Variants in BBS12 observed in about 807,000 individuals in gnomAD.
BBS12 encodes the protein chaperonin-containing T-complex member BBS12.
Under a neutral mutation model 5.6 loss-of-function variants are expected in BBS12, and 5 were observed. The observed-to-expected ratio is 0.89, with a 90% CI of 0.46 to 1.86. The LOEUF is 1.86. BBS12 is among the 40% of genes most tolerant of loss of function. The pLI is 0.01. For synonymous variants in BBS12, 308 were observed against 306.8 expected, an observed-to-expected ratio of 1.00 and a Z score of -0.04; for missense variants, 748 against 830.4, an observed-to-expected ratio of 0.90 and a Z score of 1.22.
chr4:122,719,661 C>G, the BBS12 span, among the ~76,000 whole-genome samples: 1 of 152,146 alleles, frequency 6.6e-6, no homozygotes, highest in African/African-American at 2.4e-5. Context: ...TGGAAGGAAC[C>G]AATTCCCGAC....
At chr4:122,719,336 G>A in the BBS12 span, among the ~76,000 whole-genome samples, 1 of 152,074 alleles carries the variant, frequency 6.6e-6, no homozygotes, top group South Asian at 2.1e-4. Context: ...GACATGGGTG[G>A]GGCCAAATAA....
chr4:122,702,082 A>G, the BBS12 span, among the ~76,000 whole-genome samples: 1 of 152,188 alleles, frequency 6.6e-6, no homozygotes, highest in African/African-American at 2.4e-5. Context: ...AAGAGGAAAC[A>G]ATATATTTTT....
chr4:122,738,151 CA>C (rs1033331753), intron 1 of BBS12, among the ~76,000 whole-genome samples: 1 of 151,620 alleles, frequency 6.6e-6, no homozygotes, highest in African/African-American at 2.4e-5. Flanking sequence ...TATGAGCAAA[CA>C]AAAAAATAGG....
At chr4:122,722,763 A>G in the BBS12 span, among the ~76,000 whole-genome samples, 2 of 151,858 alleles carry the variant, frequency 1.3e-5, no homozygotes, top group Non-Finnish European at 2.9e-5. Flanking sequence ...ATTCTTTTGG[A>G]TTTTCTATTG....
In BBS12 at chr4:122,743,396, G is replaced by T. The variant is rs142593414; in HGVS notation, c.1504G>T (p.Ala502Ser). 8.7e-6 allele frequency: 14 copies of T among 1,614,078 alleles called. No individual in the cohort carries two copies. Among genetic ancestry groups the T allele is most frequent in the Admixed American group, 1.7e-5 (1 of 60,008 alleles). Reference protein sequence around the residue: ...LKTEGINLVTAVLTNPVTAQM... With the variant: ...LKTEGINLVTSVLTNPVTAQM... ...AACAGAAGGAATTAATTTGGTTACG[G>T]CCGTGCTCACTAACCCAGTTACTGC... Residue 502 changes from alanine to serine, a missense_variant, in exon 2 of 2, where the codon GCC (alanine) becomes TCC (serine). Ala to Ser is a moderately conservative substitution (Grantham distance 99, BLOSUM62 1). Transcript: ENST00000314218.
rs756359668 is a variant in BBS12 at position 122,743,297 on chromosome 4, G to A, written c.1405G>A (p.Val469Ile). Residue 469 changes from valine to isoleucine, a missense_variant, in exon 2 of 2, where the codon GTC (valine) becomes ATC (isoleucine). Val to Ile is a conservative substitution (Grantham distance 29). Transcript: ENST00000314218. Reference sequence around the variant, plus strand: ...GAATGAAGATTGTGTGGGCGACGGGGTCTGCGTGACCTTCTGGAGAAGCAG... The same window carrying A: ...GAATGAAGATTGTGTGGGCGACGGGATCTGCGTGACCTTCTGGAGAAGCAG... ...QVNEDCVGDGVCVTFWRSSPL... is the reference protein window; with the variant it reads ...QVNEDCVGDGICVTFWRSSPL... The A allele has an allele frequency of 6.2e-7, 1 of 1,614,230 alleles. No individual in the cohort carries two copies. The highest frequency in any genetic ancestry group is 8.5e-7 in the Non-Finnish European group (1 of 1,180,036).
chr4:122,724,761 T>C, the BBS12 span, among the ~76,000 whole-genome samples: 1 of 152,178 alleles, frequency 6.6e-6, no homozygotes, highest in African/African-American at 2.4e-5. Context: ...TTGATTTTTG[T>C]GTTCTAGTAA....
chr4:122,716,327 T>C, the BBS12 span, among the ~76,000 whole-genome samples: 1 of 152,094 alleles, frequency 6.6e-6, no homozygotes, highest in African/African-American at 2.4e-5. Context: ...GTATAGTGAA[T>C]AAAAAGCAAA....
At chr4:122,721,193 A>G in the BBS12 span, among the ~76,000 whole-genome samples, 4 of 152,216 alleles carry the variant, frequency 2.6e-5, no homozygotes, top group South Asian at 4.1e-4. Context: ...ACAATACCAA[A>G]GAGTTATTTA....
At chr4:122,707,502 T>C in the BBS12 span, among the ~76,000 whole-genome samples, 31 of 152,312 alleles carry the variant, frequency 2.0e-4, no homozygotes, top group Admixed American at 1.1e-3. Flanking sequence ...CTTCAGATAA[T>C]AGTGGCTTGA....
intron 1 of BBS12, among the ~76,000 whole-genome samples, chr4:122,739,681 T>G (rs1169103134): frequency 6.6e-6 from 1 of 152,224 alleles, no homozygotes; most frequent in Non-Finnish European, 1.5e-5. Context: ...GTAGACAGCT[T>G]CGGAGGGTAT....
At chr4:122,720,378 G>C in the BBS12 span, among the ~76,000 whole-genome samples, 1 of 152,158 alleles carries the variant, frequency 6.6e-6, no homozygotes, top group Non-Finnish European at 1.5e-5. Flanking sequence ...TTGAACCCAG[G>C]AGGCGGAGGT....
chr4:122,704,239 A>G, the BBS12 span, among the ~76,000 whole-genome samples: 1 of 152,228 alleles, frequency 6.6e-6, no homozygotes, highest in Non-Finnish European at 1.5e-5. Context: ...CAAAAGAACT[A>G]ACACAACTAA....
the BBS12 span, among the ~76,000 whole-genome samples, chr4:122,705,953 T>C: frequency 6.6e-6 from 1 of 152,180 alleles, no homozygotes. Context: ...GGGAGACGAC[T>C]TCTTCCTCAT....
the BBS12 span, among the ~76,000 whole-genome samples, chr4:122,716,035 T>C: frequency 6.6e-6 from 1 of 152,190 alleles, no homozygotes; most frequent in Middle Eastern, 3.2e-3. Context: ...TCTCAGAGGC[T>C]ATATGTGGCT....
the BBS12 span, among the ~76,000 whole-genome samples, chr4:122,714,912 C>T: frequency 2.6e-5 from 4 of 151,910 alleles, no homozygotes; most frequent in Admixed American, 2.0e-4. Context: ...CTTATCATGA[C>T]AATACATGTC....
the BBS12 span, among the ~76,000 whole-genome samples, chr4:122,707,976 T>TTC: frequency 4.0e-5 from 4 of 100,552 alleles, no homozygotes; most frequent in Admixed American, 1.8e-4. Context: ...TTCCTTCCTT[T>TTC]CTTTCTTTCT....
At chr4:122,736,714 G>A (rs536560812) in intron 1 of BBS12, among the ~76,000 whole-genome samples, 2 of 152,118 alleles carry the variant, frequency 1.3e-5, no homozygotes, top group Non-Finnish European at 2.9e-5. Context: ...AGAGTTGCCA[G>A]AAGTACTTAT....
the BBS12 span, among the ~76,000 whole-genome samples, chr4:122,716,068 T>C: frequency 6.6e-6 from 1 of 152,180 alleles, no homozygotes; most frequent in East Asian, 1.9e-4. Flanking sequence ...CCCCAAGAGA[T>C]GCTAAAGTAT....
Sources: allele counts gnomAD v4.1 joint callset (sites outside exome capture counted in the v4.1 genomes callset), GRCh38; gene constraint gnomAD v4.1.1; transcripts MANE v1.5; gene names NCBI Gene and HGNC (gene_info 2026-07-23, HGNC 2026-07-21).